ZBED6: variants seen among roughly 807,000 people sequenced by gnomAD.
The protein encoded by ZBED6 is zinc finger BED domain-containing protein 6.
A neutral mutation model predicts 58.4 loss-of-function variants in ZBED6; 40 were observed. The observed-to-expected ratio is 0.68, with a 90% CI of 0.53 to 0.89. The LOEUF (loss-of-function observed/expected upper bound fraction) is 0.89, where lower values mean the gene tolerates loss of function less well. Among genes scored for constraint, ZBED6 ranks in the 40% least tolerant of loss-of-function variants. The pLI, the probability that ZBED6 is intolerant of heterozygous loss-of-function variation, is 0.00. For synonymous variants in ZBED6, 439 were observed against 350.6 expected, an observed-to-expected ratio of 1.25 and a Z score of -2.82; for missense variants, 1,057 against 1,003.9, an observed-to-expected ratio of 1.05 and a Z score of -0.71.
chr1:203,810,459 G>A (rs1489977492), intron 1 of ZBED6, among the ~76,000 whole-genome samples: 4 of 140,290 alleles, frequency 2.9e-5, no homozygotes, highest in East Asian at 2.1e-4. Context: ...TCACTCTGTC[G>A]CCCAGGCTAG....
At chr1:203,827,787 A>T (rs904244449) in intron 3 of ZBED6, among the ~76,000 whole-genome samples, 24 of 152,272 alleles carry the variant, frequency 1.6e-4, no homozygotes, top group Middle Eastern at 3.4e-3. Flanking sequence ...GAATTTTCTC[A>T]AACCCTTGAA....
At chr1:203,842,257 G>A (rs1242366971) in intron 11 of ZBED6, among the ~76,000 whole-genome samples, 1 of 152,188 alleles carries the variant, frequency 6.6e-6, no homozygotes, top group Non-Finnish European at 1.5e-5. Context: ...CGGCTGGGAG[G>A]TGGAGGTTGT....
At chr1:203,796,124 G>T (rs967425767) in exon 1 of ZBED6, 6 of 223,564 alleles carry the variant, frequency 2.7e-5, no homozygotes, top group Admixed American at 5.9e-5. Flanking sequence ...ATCTCGAGGA[G>T]CCCGGAGCAG....
chr1:203,846,107 G>A (rs1319999290), intron 11 of ZBED6, among the ~76,000 whole-genome samples: 1 of 96,034 alleles, frequency 1.0e-5, no homozygotes, highest in African/African-American at 4.2e-5. Flanking sequence ...ACAAGACCTC[G>A]TCTTTACCAA....
chr1:203,839,127 G>A (rs1264273100), intron 10 of ZBED6, among the ~76,000 whole-genome samples: 1 of 152,126 alleles, frequency 6.6e-6, no homozygotes, highest in Non-Finnish European at 1.5e-5. Flanking sequence ...TAGATAAGAC[G>A]AGGTAGTGGC....
intron 3 of ZBED6, among the ~76,000 whole-genome samples, chr1:203,822,131 C>T (rs1678989221): frequency 6.6e-6 from 1 of 152,188 alleles, no homozygotes; most frequent in Admixed American, 6.5e-5. Flanking sequence ...ATCAATGCCA[C>T]AGGACTTAGT....
At chr1:203,799,358 T>C (rs746245911) in exon 1 of ZBED6, 2 of 704,424 alleles carry the variant, frequency 2.8e-6, no homozygotes, top group South Asian at 3.0e-5. Flanking sequence ...CCAGGAAAAC[T>C]TGTCATCATT....
intron 9 of ZBED6, 116 bp from the exon 10 acceptor site, chr1:203,837,850 C>A: frequency 1.1e-6 from 1 of 923,802 alleles, no homozygotes. Flanking sequence ...AACAAACACG[C>A]CATATGTATG....
At chr1:203,842,935 T>TA (rs368488975) in intron 11 of ZBED6, among the ~76,000 whole-genome samples, 1 of 151,552 alleles carries the variant, frequency 6.6e-6, no homozygotes, top group Non-Finnish European at 1.5e-5. Flanking sequence ...TTTTTTTTTT[T>TA]AATACCTTGC....
At chr1:203,816,449 T>G (rs1676402567) in intron 1 of ZBED6, among the ~76,000 whole-genome samples, 1 of 151,996 alleles carries the variant, frequency 6.6e-6, no homozygotes, top group African/African-American at 2.4e-5. Flanking sequence ...CATAGCAAGA[T>G]CCTGTCTTTA....
exon 1 of ZBED6, chr1:203,799,007 T>C (rs913506689): frequency 1.3e-6 from 2 of 1,536,184 alleles, no homozygotes; most frequent in South Asian, 1.2e-5. Flanking sequence ...CCACTGACTA[T>C]TTTATTGTGA....
intron 1 of ZBED6, among the ~76,000 whole-genome samples, chr1:203,811,652 T>A (rs950695675): frequency 7.9e-5 from 12 of 151,950 alleles, no homozygotes; most frequent in Admixed American, 1.3e-4. Flanking sequence ...GAGACTACAG[T>A]TGTGGGCTAC....
chr1:203,849,766 A>C (rs1330434322), exon 14 of ZBED6: 2 of 1,613,860 alleles, frequency 1.2e-6, no homozygotes, highest in Non-Finnish European at 1.7e-6. Context: ...AAGAGATGTG[A>C]GACCATGAGA....
exon 1 of ZBED6, chr1:203,796,306 T>G (rs1668480909): frequency 7.5e-6 from 3 of 397,868 alleles, no homozygotes; most frequent in Admixed American, 4.4e-5. Context: ...CCCGGTACTT[T>G]GGAGCTTGTC....
intron 3 of ZBED6, among the ~76,000 whole-genome samples, chr1:203,822,302 C>T (rs1679050667): frequency 6.6e-6 from 1 of 152,052 alleles, no homozygotes; most frequent in African/African-American, 2.4e-5. Flanking sequence ...ATGACACACA[C>T]AGCTTCTCCA....
Position 203,829,708 on chromosome 1 carries a change from A to G in ZBED6, c.*3201+54A>G, listed in dbSNP as rs919722863. The G allele has an allele frequency of 5.4e-5, 87 of 1,612,392 alleles. 1 individual carries two copies. Among genetic ancestry groups the G allele is most frequent in the Non-Finnish European group, 7.0e-5 (83 of 1,178,520 alleles). ...GCAAATAAATAGGGTCTCATAGTGA[A>G]TTGGGCAGAATCAGGATTAAAGCTA... On this transcript the variant is annotated intron_variant, in intron 5 of 16. Coordinates refer to ENST00000550078, the Ensembl canonical transcript of ZBED6.
exon 11 of ZBED6, chr1:203,840,340 C>T: frequency 6.2e-7 from 1 of 1,613,102 alleles, no homozygotes; most frequent in Non-Finnish European, 8.5e-7. Flanking sequence ...AGCGATTAGG[C>T]ATGTCAGCTG....
At chr1:203,844,167 T>G (rs1056476321) in intron 11 of ZBED6, among the ~76,000 whole-genome samples, 1 of 151,830 alleles carries the variant, frequency 6.6e-6, no homozygotes, top group African/African-American at 2.4e-5. Flanking sequence ...TTATTTTTTA[T>G]TTTTATTTTT....
rs1239004722 is a variant in ZBED6, at chr1:203,797,538, C to CT, written c.17dup (p.Ser7LysfsTer17). 11 of 1,520,868 alleles carry CT rather than the reference C, an allele frequency of 7.2e-6. No homozygotes were observed. Among genetic ancestry groups the CT allele is most frequent in the Non-Finnish European group, 9.6e-6 (11 of 1,141,832 alleles). 94.2% of individuals were successfully genotyped at this position (1,520,868 alleles called of 1,614,324 possible). A position where few individuals can be genotyped will look rare whatever the true frequency, so the allele number is the denominator to read the frequency against. ...CATAAAGAGAATGAGTGTATGTACT[C>CT]TAAGTGTACCAGTTTCTTCACTCTC... On this transcript the variant is annotated frameshift_variant, in exon 1 of 17. Coordinates refer to ENST00000550078, the Ensembl canonical transcript of ZBED6. LOFTEE classifies it high-confidence loss of function.
Sources: gnomAD v4.1 joint callset for allele counts (sites outside exome capture counted in the v4.1 genomes callset) on GRCh38, gnomAD v4.1.1 for gene constraint, MANE v1.5 for transcripts, NCBI Gene and HGNC (gene_info 2026-07-23, HGNC 2026-07-21) for gene names.